PLAA: variants seen among roughly 807,000 people sequenced by gnomAD.
PLAA encodes the protein phospholipase A-2-activating protein.
In PLAA, 48 loss-of-function variants were observed where a neutral mutation model predicts 84.1. That is an observed-to-expected ratio of 0.57 (90% CI 0.45 to 0.73). The LOEUF is 0.73. PLAA is among the 30% of genes least tolerant of loss of function. The pLI, the probability that PLAA is intolerant of heterozygous loss-of-function variation, is 0.00. For synonymous variants in PLAA, 392 were observed against 336.6 expected (o/e 1.16, Z -1.80); for missense variants, 903 against 954.7 (o/e 0.95, Z 0.71).
At chr9:26,918,739 C>G (rs1016699977) in intron 9 of PLAA, among the ~76,000 whole-genome samples, 1 of 152,144 alleles carries the variant, frequency 6.6e-6, no homozygotes, top group African/African-American at 2.4e-5. Context: ...CCAGAACTCA[C>G]GTTAATATTA....
At chr9:26,917,310 T>C (rs1824595050) in intron 9 of PLAA, 145 bp from the exon 10 acceptor site, 2 of 613,694 alleles carry the variant, frequency 3.3e-6, no homozygotes, top group South Asian at 2.0e-5. Flanking sequence ...GAAACTATAG[T>C]CAGAAGTCTT....
chr9:26,910,463 G>A (rs1238987628), intron 11 of PLAA, 24 bp from the exon 12 acceptor site: 1 of 1,546,080 alleles, frequency 6.5e-7, no homozygotes, highest in Non-Finnish European at 8.9e-7. Context: ...AGAAGATGAT[G>A]ATAATCACAA....
At chr9:26,938,287 C>T (rs942449503) in intron 1 of PLAA, among the ~76,000 whole-genome samples, 11 of 152,236 alleles carry the variant, frequency 7.2e-5, no homozygotes, top group African/African-American at 2.6e-4. Flanking sequence ...ATAGGAGAAC[C>T]GCTTGAGCCC....
At chr9:26,917,854 A>C (rs1166853259) in intron 9 of PLAA, among the ~76,000 whole-genome samples, 1 of 152,212 alleles carries the variant, frequency 6.6e-6, no homozygotes, top group African/African-American at 2.4e-5. Flanking sequence ...GAAAAAGTTA[A>C]GAGTCTCAGA....
At chr9:26,922,596 A>G (rs1236051430) in intron 7 of PLAA, among the ~76,000 whole-genome samples, 1 of 152,142 alleles carries the variant, frequency 6.6e-6, no homozygotes, top group Non-Finnish European at 1.5e-5. Flanking sequence ...TTCATTTGAG[A>G]TGACTACGGT....
At chr9:26,915,334 A>T (rs1383325255) in intron 10 of PLAA, among the ~76,000 whole-genome samples, 1 of 152,234 alleles carries the variant, frequency 6.6e-6, no homozygotes, top group Non-Finnish European at 1.5e-5. Context: ...CTAGTGAATC[A>T]GAATCTCTTG....
Position 26,908,013 on chromosome 9 carries a change from C to G in PLAA, c.1658-15G>C. 1.3e-6 allele frequency: 2 copies of G among 1,560,374 alleles called. No homozygotes were observed. The highest frequency in any genetic ancestry group is 1.7e-6 in the Non-Finnish European group (2 of 1,159,888). On this transcript the variant is annotated splice_polypyrimidine_tract_variant and intron_variant, in intron 12 of 13. Transcript: ENST00000397292. ...CTTCAGTTTACCTAGAACCCAAAAC[C>G]AAACTTTCAAAATTCTCTAACTGTA...
At chr9:26,910,511 T>A (rs915532188) in intron 11 of PLAA, 72 bp from the exon 12 acceptor site, 1 of 1,168,218 alleles carries the variant, frequency 8.6e-7, no homozygotes, top group Non-Finnish European at 1.3e-6. Context: ...ACTATATGAC[T>A]TAGTTTTCAC....
intron 2 of PLAA, among the ~76,000 whole-genome samples, chr9:26,930,325 C>T (rs886564260): frequency 1.3e-5 from 2 of 151,976 alleles, no homozygotes; most frequent in Non-Finnish European, 1.5e-5. Flanking sequence ...AGGATGGTCT[C>T]GATCTCCTGA....
chr9:26,944,824 CA>C (rs1825637807), intron 1 of PLAA, among the ~76,000 whole-genome samples: 1 of 152,000 alleles, frequency 6.6e-6, no homozygotes, highest in Non-Finnish European at 1.5e-5. Context: ...TTTTGAAAAA[CA>C]AAAACAAAAA....
At chr9:26,940,778 A>C (rs1825509474) in intron 1 of PLAA, among the ~76,000 whole-genome samples, 1 of 152,216 alleles carries the variant, frequency 6.6e-6, no homozygotes, top group African/African-American at 2.4e-5. Flanking sequence ...TCAGAATCTG[A>C]AGCATTATGA....
intron 11 of PLAA, among the ~76,000 whole-genome samples, chr9:26,912,792 GC>G (rs1490520313): frequency 6.6e-6 from 1 of 152,136 alleles, no homozygotes; most frequent in East Asian, 1.9e-4. Flanking sequence ...TCAAGGTCAA[GC>G]AGATAAAAAG....
At chr9:26,920,459 T>C in intron 7 of PLAA, 75 bp from the exon 8 acceptor site, 3 of 952,352 alleles carry the variant, frequency 3.2e-6, no homozygotes, top group Non-Finnish European at 4.6e-6. Flanking sequence ...AGAAAATTCT[T>C]AACATTAAAA....
chr9:26,908,134 C>T (rs1395397533), intron 12 of PLAA, 136 bp from the exon 13 acceptor site: 1 of 576,246 alleles, frequency 1.7e-6, no homozygotes, highest in Non-Finnish European at 3.0e-6. Flanking sequence ...TTATCAAACA[C>T]CATAAAGTAA....
chr9:26,917,778 T>C (rs1824611724), intron 9 of PLAA, among the ~76,000 whole-genome samples: 1 of 152,038 alleles, frequency 6.6e-6, no homozygotes, highest in African/African-American at 2.4e-5. Context: ...TTAGTACCTC[T>C]AGGGAAATAA....
chr9:26,939,806 G>C (rs925603213), intron 1 of PLAA, among the ~76,000 whole-genome samples: 1 of 152,008 alleles, frequency 6.6e-6, no homozygotes, highest in East Asian at 1.9e-4. Flanking sequence ...AAGAGACAAA[G>C]AAGGATATTA....
chr9:26,908,613 G>A (rs1824309627), intron 12 of PLAA, among the ~76,000 whole-genome samples: 3 of 152,110 alleles, frequency 2.0e-5, no homozygotes, highest in South Asian at 2.1e-4. Context: ...CTACCAGCAT[G>A]CACCACCACA....
At chr9:26,908,160 GCTTTGT>G (rs1423756880) in intron 12 of PLAA, among the ~76,000 whole-genome samples, 162 bp from the exon 13 acceptor site, 11 of 150,278 alleles carry the variant, frequency 7.3e-5, no homozygotes, top group African/African-American at 2.7e-4. Context: ...AGGCTTATGA[GCTTTGT>G]CTTTTTTTTT....
chr9:26,913,318 G>A (rs1290679448), intron 11 of PLAA, among the ~76,000 whole-genome samples: 3 of 152,078 alleles, frequency 2.0e-5, no homozygotes, highest in Non-Finnish European at 2.9e-5. Flanking sequence ...AACAAGTGAG[G>A]TATGTCAGAC....
Sources: allele counts gnomAD v4.1 joint callset (sites outside exome capture counted in the v4.1 genomes callset), GRCh38; gene constraint gnomAD v4.1.1; transcripts MANE v1.5; gene names NCBI Gene and HGNC (gene_info 2026-07-23, HGNC 2026-07-21).